SCAPER: variants seen among roughly 807,000 people sequenced by gnomAD.
SCAPER encodes S-phase cyclin A associated protein in the ER, also known as S phase cyclin A-associated protein in the endoplasmic reticulum.
SCAPER carries 98 observed loss-of-function variants against 182.2 expected under a neutral mutation model. The ratio of observed to expected loss-of-function variants is 0.54; its 90% confidence interval spans 0.46 to 0.64. SCAPER has a LOEUF of 0.64. Among genes scored for constraint, SCAPER ranks in the 30% least tolerant of loss-of-function variants. SCAPER has a pLI of 0.00. For missense variants in SCAPER, 1,432 were observed against 1,690.0 expected, an observed-to-expected ratio of 0.85 and a Z score of 2.68; for synonymous variants, 605 against 564.6, an observed-to-expected ratio of 1.07 and a Z score of -1.01.
chr15:76,781,509 C>T (rs1452795540), intron 8 of SCAPER, among the ~76,000 whole-genome samples: 2 of 152,084 alleles, frequency 1.3e-5, no homozygotes, highest in African/African-American at 4.8e-5. Flanking sequence ...GCAAGACAGG[C>T]CAACATTCAA....
chr15:76,809,318 CAT>C (rs2066417535), intron 5 of SCAPER, among the ~76,000 whole-genome samples: 1 of 152,082 alleles, frequency 6.6e-6, no homozygotes, highest in Non-Finnish European at 1.5e-5. Context: ...TGACTTATCA[CAT>C]AGAGAATTCA....
At chr15:76,459,451 C>T (rs573443226) in intron 25 of SCAPER, among the ~76,000 whole-genome samples, 29 of 151,694 alleles carry the variant, frequency 1.9e-4, no homozygotes, top group African/African-American at 6.5e-4. Flanking sequence ...TAGTGACGTT[C>T]AGCTGTTTTT....
chr15:76,807,247 T>G lies in SCAPER; in HGVS notation c.394-2614A>C, dbSNP rs541852689. Among the ~76,000 whole-genome samples, 41 of 152,358 alleles carry G rather than the reference T, an allele frequency of 2.7e-4. No individual in the cohort carries two copies. In the South Asian group the frequency reaches 6.0e-3, roughly 22 times the overall value. ...TAAGGAATTTCCCTATTGAATGTTT[T>G]TATCATGAAATGGTATTGGCTTTTG... On this transcript the variant is annotated intron_variant, in intron 5 of 31. Transcript: ENST00000563290.
intron 5 of SCAPER, among the ~76,000 whole-genome samples, chr15:76,839,053 A>AC (rs1568301883): frequency 6.6e-6 from 1 of 152,270 alleles, no homozygotes; most frequent in Non-Finnish European, 1.5e-5. Context: ...TTAGCAATTT[A>AC]TGTAGTAAAG....
intron 23 of SCAPER, among the ~76,000 whole-genome samples, chr15:76,557,070 A>G (rs981860313): frequency 6.6e-6 from 1 of 152,204 alleles, no homozygotes; most frequent in African/African-American, 2.4e-5. Flanking sequence ...AAAGATTTCT[A>G]CAAAGAAATT....
intron 15 of SCAPER, among the ~76,000 whole-genome samples, chr15:76,738,858 T>C (rs894929844): frequency 6.6e-6 from 1 of 152,124 alleles, no homozygotes; most frequent in African/African-American, 2.4e-5. Flanking sequence ...CACAAAGACA[T>C]GAAGTGAGCA....
chr15:76,571,578 T>A (rs900659624), intron 23 of SCAPER, among the ~76,000 whole-genome samples: 3 of 152,102 alleles, frequency 2.0e-5, no homozygotes, highest in Admixed American at 2.0e-4. Context: ...TTAGAAAAAT[T>A]ATCTAAAGAA....
intron 21 of SCAPER, among the ~76,000 whole-genome samples, chr15:76,627,778 A>G (rs908723755): frequency 2.0e-5 from 3 of 152,134 alleles, no homozygotes; most frequent in Admixed American, 6.5e-5. Context: ...CTTTGTAACA[A>G]TGATTTTTAT....
At chr15:76,559,916 A>G (rs1204487427) in intron 23 of SCAPER, among the ~76,000 whole-genome samples, 3 of 150,918 alleles carry the variant, frequency 2.0e-5, no homozygotes, top group Admixed American at 6.6e-5. Context: ...CAACTTGTAT[A>G]TGTGTGTGTG....
rs368586714 is a variant in SCAPER at position 76,873,355 on chromosome 15, C to A, written c.6+10457G>T. ...GAAGGCAGGCAGGCAGGCAGGCAGG[C>A]AGGCAGGCAGGCAGGCAGGCAGGCA... On this transcript the variant is annotated intron_variant, in intron 2 of 31. Transcript: ENST00000563290. 8.6e-3 allele frequency among the ~76,000 whole-genome samples: 1,195 copies of A among 139,218 alleles called. 13 individuals are homozygous for A. Among genetic ancestry groups the A allele is most frequent in the East Asian group, 0.031 (142 of 4,582 alleles). The allele number at this position is 139,218 out of a possible 152,430, so 91.3% of individuals were successfully genotyped here.
At chr15:76,901,850 G>A (rs1238696498) in intron 1 of SCAPER, among the ~76,000 whole-genome samples, 2 of 152,100 alleles carry the variant, frequency 1.3e-5, no homozygotes, top group Admixed American at 6.6e-5. Flanking sequence ...CTCCTGAGTA[G>A]CTGGGACTAC....
At chr15:76,872,180 A>T (rs2151919139) in intron 2 of SCAPER, among the ~76,000 whole-genome samples, 1 of 152,266 alleles carries the variant, frequency 6.6e-6, no homozygotes, top group Non-Finnish European at 1.5e-5. Flanking sequence ...AGAGGAAAAA[A>T]AGAATACAGA....
intron 20 of SCAPER, among the ~76,000 whole-genome samples, chr15:76,696,455 T>A (rs1210612221): frequency 6.6e-6 from 1 of 152,208 alleles, no homozygotes; most frequent in Admixed American, 6.5e-5. Context: ...CATTCATACC[T>A]TTCAGGAGTC....
At chr15:76,627,691 C>T (rs563302843) in intron 21 of SCAPER, among the ~76,000 whole-genome samples, 56 of 152,218 alleles carry the variant, frequency 3.7e-4, no homozygotes, top group Non-Finnish European at 6.6e-4. Flanking sequence ...TCCAGTTTAT[C>T]GTTGATGGGC....
rs545436169 is a variant in SCAPER, at chr15:76,776,453, C to A, written c.773-1336G>T. Among the ~76,000 whole-genome samples, 3 of 152,212 alleles carry A rather than the reference C, an allele frequency of 2.0e-5. No homozygotes were observed. In the East Asian group the frequency reaches 5.8e-4, roughly 29 times the overall value. ...AGCATCAGTAGGGCCCAATAGTGAA[C>A]AAAGTCTCCTCTCACTAGCTCTCAC... On this transcript the variant is annotated intron_variant, in intron 8 of 31. Transcript: ENST00000563290.
At chr15:76,693,693 T>A (rs1002322532) in intron 20 of SCAPER, among the ~76,000 whole-genome samples, 1 of 152,082 alleles carries the variant, frequency 6.6e-6, no homozygotes, top group Non-Finnish European at 1.5e-5. Flanking sequence ...TTCTGATATA[T>A]ACAACACGAA....
chr15:76,522,124 T>C (rs547156773), intron 23 of SCAPER, among the ~76,000 whole-genome samples: 1 of 152,310 alleles, frequency 6.6e-6, no homozygotes, highest in South Asian at 2.1e-4. Context: ...AAGTAGACTG[T>C]TAGTGTATAA....
intron 29 of SCAPER, among the ~76,000 whole-genome samples, chr15:76,356,666 T>A (rs2040980519): frequency 6.6e-6 from 1 of 152,150 alleles, no homozygotes; most frequent in South Asian, 2.1e-4. Flanking sequence ...TGCCCATAAG[T>A]CCTAAGGCAG....
chr15:76,606,145 C>A (rs1295638359), intron 22 of SCAPER, among the ~76,000 whole-genome samples: 3 of 152,160 alleles, frequency 2.0e-5, no homozygotes, highest in Non-Finnish European at 4.4e-5. Context: ...CCTGCTTTCT[C>A]TTGTGGGCAT....
Sources: allele counts gnomAD v4.1 joint callset (sites outside exome capture counted in the v4.1 genomes callset), GRCh38; gene constraint gnomAD v4.1.1; transcripts MANE v1.5; gene names NCBI Gene and HGNC (gene_info 2026-07-23, HGNC 2026-07-21).